Variants in CAMK1 observed in about 807,000 individuals in gnomAD.
CAMK1 encodes calcium/calmodulin-dependent protein kinase type 1.
A neutral mutation model predicts 49.1 loss-of-function variants in CAMK1; 39 were observed. The observed-to-expected ratio is 0.79, with a 90% CI of 0.62 to 1.04. The LOEUF (loss-of-function observed/expected upper bound fraction) is 1.04. Ranked by LOEUF, CAMK1 falls within the 50% of genes least tolerant of loss-of-function variation. The pLI, the probability that CAMK1 is intolerant of heterozygous loss-of-function variation, is 0.00. For synonymous variants in CAMK1, 192 were observed against 185.2 expected (o/e 1.04, Z -0.30); for missense variants, 457 against 472.2 (o/e 0.97, Z 0.30).
At chr3:9,761,287 A>G (rs2077855649) in intron 7 of CAMK1, 174 bp downstream of exon 7, 3 of 665,804 alleles carry the variant, frequency 4.5e-6, no homozygotes, top group Non-Finnish European at 5.0e-6. Context: ...CTTGCTTGGC[A>G]CAGTGCTTGA....
intron 7 of CAMK1, chr3:9,761,048 C>G (rs930090373): frequency 2.4e-6 from 1 of 423,218 alleles, no homozygotes; most frequent in East Asian, 4.6e-5. Flanking sequence ...CCTCACCACT[C>G]GGTCATCACC....
At chr3:9,764,722 T>C (rs1441648117) in intron 3 of CAMK1, among the ~76,000 whole-genome samples, 5 of 136,666 alleles carry the variant, frequency 3.7e-5, no homozygotes, top group African/African-American at 1.1e-4. Flanking sequence ...AACCTCCACC[T>C]CTCGGGTTTA....
intron 3 of CAMK1, 42 bp downstream of exon 3, chr3:9,765,717 G>A (rs199991835): frequency 8.1e-6 from 13 of 1,606,904 alleles, no homozygotes; most frequent in Non-Finnish European, 1.1e-5. Flanking sequence ...GAGGGCCAAG[G>A]CAGGGTCAGC....
intron 2 of CAMK1, 68 bp from the exon 3 acceptor site, chr3:9,765,958 T>TC: frequency 5.6e-6 from 9 of 1,614,010 alleles, no homozygotes; most frequent in Non-Finnish European, 6.8e-6. Context: ...TCTCCTCCAT[T>TC]CCCTATGGGT....
In CAMK1 at chr3:9,757,647, G is replaced by A; in HGVS notation, c.1031-26C>T. 1 of 1,614,114 alleles carries A rather than the reference G, an allele frequency of 6.2e-7. No homozygotes were observed. The highest frequency in any genetic ancestry group is 1.1e-5 in the South Asian group (1 of 91,090). On this transcript the variant is annotated intron_variant, in intron 11 of 11. Coordinates refer to ENST00000256460, the MANE Select transcript of CAMK1 (RefSeq NM_003656.5). This position sits in a 1 kb window ranked among gnomAD's most constrained non-coding sequence, Gnocchi z 4.5. ...CTGCATGGGAAGACAGAACAGAGGT[G>A]GCCGCAGGGGCAGGCCCTCCACTCC...
intron 3 of CAMK1, among the ~76,000 whole-genome samples, chr3:9,764,776 G>A (rs909183614): frequency 1.1e-4 from 16 of 151,766 alleles, no homozygotes; most frequent in African/African-American, 3.6e-4. Flanking sequence ...GGGATTACAG[G>A]CATGTGCCAC....
intron 5 of CAMK1, 29 bp downstream of exon 5, chr3:9,762,885 C>G (rs781671491): frequency 5.6e-6 from 9 of 1,612,470 alleles, no homozygotes; most frequent in Non-Finnish European, 7.6e-6. Flanking sequence ...CCTGGGTACC[C>G]TAGCTCACCA....
chr3:9,766,329 G>A (rs2078150751), intron 2 of CAMK1: 1 of 689,888 alleles, frequency 1.4e-6, no homozygotes. Context: ...CTACCCCTGG[G>A]CTTTTGGATT....
chr3:9,759,702 A>C lies in CAMK1; in HGVS notation c.794T>G (p.Phe265Cys). ...HLMEKDPEKR[F>C]TCEQALQHPW... ...GTGCTGCAAGGCCTGCTCACAGGTG[A>C]ATCTTTTCTCTGGGTCCTTCTCCAT... The change falls in exon 9 of 12, where the codon TTC becomes TGC. Residue 265 changes from phenylalanine (F) to cysteine (C), a missense_variant. Transcript: ENST00000256460. 1 of 1,614,146 alleles carries C rather than the reference A, an allele frequency of 6.2e-7. No individual in the cohort carries two copies.
At chr3:9,765,218 C>T (rs1336770479) in intron 3 of CAMK1, among the ~76,000 whole-genome samples, 1 of 149,238 alleles carries the variant, frequency 6.7e-6, no homozygotes, top group Non-Finnish European at 1.5e-5. Flanking sequence ...CAGAGTGAGA[C>T]TCCATCTCAA....
In CAMK1 at chr3:9,760,636, A is replaced by G. The variant is rs767556194; in HGVS notation, c.745+20T>C. ...GAACCAGAGGCAGGGCCCAGGGGAA[A>G]AAAGCAAAGCCCCAAATACCAGAGT... On this transcript the variant is annotated intron_variant, in intron 8 of 11. Coordinates refer to ENST00000256460, the MANE Select transcript of CAMK1 (RefSeq NM_003656.5). The G allele has an allele frequency of 1.2e-6, 2 of 1,613,348 alleles. No individual in the cohort carries two copies. Among genetic ancestry groups the G allele is most frequent in the Non-Finnish European group, 1.7e-6 (2 of 1,179,502 alleles).
chr3:9,759,910 T>C, intron 8 of CAMK1, 160 bp from the exon 9 acceptor site: 1 of 1,146,006 alleles, frequency 8.7e-7, no homozygotes, highest in Non-Finnish European at 1.2e-6. Context: ...CTTCAGGCCC[T>C]CCCACCCCGT....
intron 2 of CAMK1, among the ~76,000 whole-genome samples, chr3:9,767,046 G>A (rs2078174750): frequency 1.3e-5 from 2 of 151,992 alleles, no homozygotes; most frequent in African/African-American, 4.8e-5. Flanking sequence ...TCTCCACATA[G>A]AACCATGCCT....
intron 1 of CAMK1, 48 bp from the exon 2 acceptor site, chr3:9,767,829 T>G: frequency 6.4e-7 from 1 of 1,573,312 alleles, no homozygotes; most frequent in Non-Finnish European, 8.6e-7. Context: ...CAGCCCTCTG[T>G]CTGGGAATTT....
intron 1 of CAMK1, among the ~76,000 whole-genome samples, chr3:9,769,616 C>G (rs1413416336): frequency 6.6e-6 from 1 of 152,216 alleles, no homozygotes; most frequent in Non-Finnish European, 1.5e-5. Context: ...CACACAGGCC[C>G]CCTTCTCTAT....
chr3:9,766,425 A>G lies in CAMK1; in HGVS notation c.84-535T>C, dbSNP rs557267204. 1.1e-5 allele frequency: 5 copies of G among 464,440 alleles called. No individual in the cohort carries two copies. In the East Asian group the frequency reaches 1.8e-4, roughly 16 times the overall value. 28.8% of individuals were successfully genotyped at this position (464,440 alleles called of 1,614,324 possible). A position where few individuals can be genotyped will look rare whatever the true frequency, so the allele number is the denominator to read the frequency against. ...TTTAGAACCTTAAAGAACCATCAGC[A>G]TCACCCGGGAACTTTTTTAGAAATG... is the stretch of plus-strand genomic sequence containing the variant. On this transcript the variant is annotated intron_variant, in intron 2 of 11. Coordinates refer to ENST00000256460, the MANE Select transcript of CAMK1 (RefSeq NM_003656.5).
At chr3:9,760,503 G>A (rs1340523159) in intron 8 of CAMK1, 153 bp downstream of exon 8, 1 of 673,234 alleles carries the variant, frequency 1.5e-6, no homozygotes, top group Non-Finnish European at 2.6e-6. Context: ...CCAAGCAGAA[G>A]GAAGAAGGGG....
At chr3:9,763,857 A>G (rs557302244) in intron 3 of CAMK1, among the ~76,000 whole-genome samples, 114 of 152,298 alleles carry the variant, frequency 7.5e-4, no homozygotes, top group Admixed American at 1.2e-3. Context: ...ATGGTGGCAC[A>G]TGCCTGTAAT....
rs560364655 is a variant in CAMK1, at chr3:9,767,765, G to A, written c.-16C>T. On this transcript the variant is annotated 5_prime_UTR_variant, in exon 2 of 12. Coordinates refer to ENST00000256460, the MANE Select transcript of CAMK1 (RefSeq NM_003656.5). ...CCCCCAGCATGGCCCACTGCCCCCC[G>A]ACCACAGCCAGGGCTCCTGTAAGGA... 25 of 1,613,560 alleles carry A rather than the reference G, an allele frequency of 1.5e-5. No homozygotes were observed. Among genetic ancestry groups the A allele is most frequent in the East Asian group, 2.2e-5 (1 of 44,866 alleles).
Sources: gnomAD v4.1 joint callset for allele counts (sites outside exome capture counted in the v4.1 genomes callset) on GRCh38, gnomAD v4.1.1 for gene constraint, Gnocchi (gnomAD v3.1) non-coding constraint, MANE v1.5 for transcripts, NCBI Gene and HGNC (gene_info 2026-07-23, HGNC 2026-07-21) for gene names.